The following LHFPL3 variants were observed in gnomAD, a reference collection of about 807,000 sequenced individuals.
LHFPL3 encodes LHFPL tetraspan subfamily member 3 protein.
Under a neutral mutation model 19.3 loss-of-function variants are expected in LHFPL3, and 5 were observed. The ratio of observed to expected loss-of-function variants is 0.26; its 90% confidence interval spans 0.14 to 0.54. The LOEUF (loss-of-function observed/expected upper bound fraction) is 0.54, where lower values mean the gene tolerates loss of function less well. LHFPL3 is among the 20% of genes least tolerant of loss of function. The pLI is 0.94. For synonymous variants in LHFPL3, 133 were observed against 126.2 expected, an observed-to-expected ratio of 1.05 and a Z score of -0.36; for missense variants, 249 against 307.4, an observed-to-expected ratio of 0.81 and a Z score of 1.42.
At chr7:104,469,076 C>G (rs1013165734) in intron 1 of LHFPL3, among the ~76,000 whole-genome samples, 5 of 152,204 alleles carry the variant, frequency 3.3e-5, no homozygotes, top group Non-Finnish European at 5.9e-5. Flanking sequence ...AAGCTCACAT[C>G]AAACCTTTGC....
intron 2 of LHFPL3, among the ~76,000 whole-genome samples, chr7:104,773,468 C>A (rs1314938939): frequency 1.3e-5 from 2 of 152,198 alleles, no homozygotes; most frequent in Admixed American, 1.3e-4. Flanking sequence ...TTCAGAAATG[C>A]CATGCATCCT....
At chr7:104,896,332 A>G (rs1792359849) in intron 2 of LHFPL3, among the ~76,000 whole-genome samples, 1 of 152,206 alleles carries the variant, frequency 6.6e-6, no homozygotes, top group Non-Finnish European at 1.5e-5. Context: ...GTCTGCAGCC[A>G]TACCCACCTG....
rs371016573 is a variant in LHFPL3, at chr7:104,347,361, A to G, written c.445+18137A>G. ...ACTAGGCCTTTCTAGGGATTTGGTA[A>G]TAGTGAGGGGAGAACAGAACAAGGT... On this transcript the variant is annotated intron_variant, in intron 1 of 2. Coordinates refer to ENST00000424859, the MANE Select transcript of LHFPL3 (RefSeq NM_199000.3). Among the ~76,000 whole-genome samples the G allele has an allele frequency of 5.9e-5, 9 of 152,288 alleles. 1 individual carries two copies. The South Asian group carries it at 1.9e-3, about 32-fold the overall frequency.
At chr7:104,891,494 G>A (rs1792245700) in intron 2 of LHFPL3, among the ~76,000 whole-genome samples, 1 of 152,096 alleles carries the variant, frequency 6.6e-6, no homozygotes. Flanking sequence ...GACCCCTCAT[G>A]ACCTAAGCAC....
chr7:104,658,353 CT>C (rs1185864045), intron 1 of LHFPL3, among the ~76,000 whole-genome samples: 2 of 152,048 alleles, frequency 1.3e-5, no homozygotes, highest in Non-Finnish European at 2.9e-5. Flanking sequence ...CTTTCTCTCT[CT>C]TTTTTTTCTC....
At chr7:104,708,032 G>T (rs1793224148) in intron 1 of LHFPL3, among the ~76,000 whole-genome samples, 1 of 152,198 alleles carries the variant, frequency 6.6e-6, no homozygotes, top group Non-Finnish European at 1.5e-5. Context: ...AGACCAGGAG[G>T]CTGAGTACCT....
chr7:104,589,290 A>G (rs1275194567), intron 1 of LHFPL3, among the ~76,000 whole-genome samples: 6 of 152,182 alleles, frequency 3.9e-5, no homozygotes, highest in Non-Finnish European at 5.9e-5. Flanking sequence ...TGTTCCATCA[A>G]TACCTAGTTT....
At chr7:104,463,579 G>A (rs1203739904) in intron 1 of LHFPL3, among the ~76,000 whole-genome samples, 1 of 152,184 alleles carries the variant, frequency 6.6e-6, no homozygotes, top group Non-Finnish European at 1.5e-5. Context: ...TGGCTAGAGA[G>A]GCCTCAGGAA....
At chr7:104,446,086 C>T (rs1020438477) in intron 1 of LHFPL3, among the ~76,000 whole-genome samples, 2 of 152,130 alleles carry the variant, frequency 1.3e-5, no homozygotes, top group East Asian at 1.9e-4. Context: ...AAAATGCCTT[C>T]TAGGTCAGTT....
At chr7:104,781,363 A>G (rs1794712458) in intron 2 of LHFPL3, among the ~76,000 whole-genome samples, 1 of 151,652 alleles carries the variant, frequency 6.6e-6, no homozygotes, top group Non-Finnish European at 1.5e-5. Context: ...ATCTTCCTCT[A>G]TCTCATCATT....
intron 1 of LHFPL3, among the ~76,000 whole-genome samples, chr7:104,498,022 T>C (rs41022): frequency 0.27 from 41,408 of 151,758 alleles, 8,073 homozygotes; most frequent in African/African-American, 0.55. Context: ...AGGTGTGGGG[T>C]GGAACAAGCA....
At position 104,346,057 on chromosome 7, in the gene LHFPL3, T is replaced by C. The variant is rs1197385603; in HGVS notation, c.445+16833T>C. On this transcript the variant is annotated intron_variant, in intron 1 of 2. Transcript: ENST00000424859. ...TATTCCTTCTTTTTTTTTTTTTTTC[T>C]TAGAGTCTCTCTCTGTTGCCCAGGC... Among the ~76,000 whole-genome samples, 6 of 144,966 alleles carry C rather than the reference T, an allele frequency of 4.1e-5. No homozygotes were observed. In the East Asian group the frequency reaches 1.0e-3, roughly 24 times the overall value.
At chr7:104,425,860 T>G (rs1014863209) in intron 1 of LHFPL3, among the ~76,000 whole-genome samples, 1 of 152,202 alleles carries the variant, frequency 6.6e-6, no homozygotes, top group African/African-American at 2.4e-5. Context: ...GATCTCATTT[T>G]TAGTCTGTTG....
chr7:104,634,991 G>A lies in LHFPL3; in HGVS notation c.446-101684G>A, dbSNP rs192004576. Reference sequence around the variant, plus strand: ...AGAATCAAATGTCAAAGAAACTGTAGTTAAAATGCTCAGAAAAGTAAAAGA... The same window carrying A: ...AGAATCAAATGTCAAAGAAACTGTAATTAAAATGCTCAGAAAAGTAAAAGA... On this transcript the variant is annotated intron_variant, in intron 1 of 2. Coordinates refer to ENST00000424859, the MANE Select transcript of LHFPL3 (RefSeq NM_199000.3). Among the ~76,000 whole-genome samples, 224 of 152,210 alleles carry A rather than the reference G, an allele frequency of 1.5e-3. 1 individual carries two copies. Among genetic ancestry groups the A allele is most frequent in the Non-Finnish European group, 2.4e-3 (164 of 67,998 alleles).
In LHFPL3 at chr7:104,788,220, T is replaced by A. The variant is rs77396136; in HGVS notation, c.682+51309T>A. 1.7e-3 allele frequency among the ~76,000 whole-genome samples: 265 copies of A among 152,328 alleles called. 2 individuals carry two copies. In the East Asian group the frequency reaches 0.034, roughly 19 times the overall value. On this transcript the variant is annotated intron_variant, in intron 2 of 2. Transcript: ENST00000424859. Reference sequence around the variant, plus strand: ...CACATGATGTAGGTCAACTAATTTATAGTCTAATAAACAGAACAGAATCAC... The same window carrying A: ...CACATGATGTAGGTCAACTAATTTAAAGTCTAATAAACAGAACAGAATCAC...
In LHFPL3 at chr7:104,561,605, C is replaced by T. The variant is rs568206526; in HGVS notation, c.446-175070C>T. Among the ~76,000 whole-genome samples, 641 of 152,210 alleles carry T rather than the reference C, an allele frequency of 4.2e-3. 1 individual carries two copies. Among genetic ancestry groups the T allele is most frequent in the Non-Finnish European group, 5.7e-3 (388 of 68,024 alleles). On this transcript the variant is annotated intron_variant, in intron 1 of 2. Coordinates refer to ENST00000424859, the MANE Select transcript of LHFPL3 (RefSeq NM_199000.3). ...GCATGTGAGATGGGTTTCCTGAATA[C>T]AGCACACTGATGGGTCTTGACTTGT...
intron 2 of LHFPL3, among the ~76,000 whole-genome samples, chr7:104,886,087 G>A (rs73184021): frequency 0.031 from 4,716 of 152,260 alleles, 101 homozygotes; most frequent in Middle Eastern, 0.065. Flanking sequence ...GCCACCTGAT[G>A]TATTTATTAC....
intron 2 of LHFPL3, among the ~76,000 whole-genome samples, chr7:104,880,175 G>A (rs377667315): frequency 6.6e-6 from 1 of 152,154 alleles, no homozygotes; most frequent in Non-Finnish European, 1.5e-5. Context: ...AGTCATGGGG[G>A]TGGATCCCTC....
At chr7:104,829,605 T>G (rs1487953701) in intron 2 of LHFPL3, among the ~76,000 whole-genome samples, 1 of 151,648 alleles carries the variant, frequency 6.6e-6, no homozygotes, top group Admixed American at 6.6e-5. Context: ...CTTGCAATAG[T>G]TTGCTGAGAA....
Sources: allele counts gnomAD v4.1 joint callset (sites outside exome capture counted in the v4.1 genomes callset), GRCh38; gene constraint gnomAD v4.1.1; transcripts MANE v1.5; gene names NCBI Gene and HGNC (gene_info 2026-07-23, HGNC 2026-07-21).